The following IGSF11 variants were observed in gnomAD, a reference collection of about 807,000 sequenced individuals.
IGSF11 encodes the protein CXADR like 1.
In IGSF11, 22 loss-of-function variants were observed where a neutral mutation model predicts 41.0. That is an observed-to-expected ratio of 0.54 (90% confidence interval 0.38 to 0.77). The LOEUF (loss-of-function observed/expected upper bound fraction) is 0.77. Among genes scored for constraint, IGSF11 ranks in the 30% least tolerant of loss-of-function variants. The probability of loss-of-function intolerance (pLI) is 0.00; values close to 1 mark genes in which losing one functional copy is unlikely to be tolerated. For synonymous variants in IGSF11, 219 were observed against 201.3 expected (o/e 1.09, Z -0.74); for missense variants, 444 against 530.8 (o/e 0.84, Z 1.61).
At chr3:119,109,526 CT>C (rs1406551153), upstream of IGSF11, among the ~76,000 whole-genome samples, 4 of 151,874 alleles carry the variant, frequency 2.6e-5, no homozygotes, top group East Asian at 7.7e-4. Flanking sequence ...TTTGTTGATC[CT>C]TTCGAAAAAC....
chr3:119,139,594 T>C (rs568206126), intron 1 of IGSF11, among the ~76,000 whole-genome samples: 5 of 152,350 alleles, frequency 3.3e-5, no homozygotes, highest in African/African-American at 1.2e-4. Context: ...CTTCCTTGCC[T>C]TCTGCCATGA....
chr3:118,920,798 T>A (rs1456549881), intron 4 of IGSF11, among the ~76,000 whole-genome samples: 1 of 152,182 alleles, frequency 6.6e-6, no homozygotes, highest in African/African-American at 2.4e-5. Flanking sequence ...TGTAAAATAT[T>A]GCTAAAGATA....
chr3:119,122,315 G>A (rs766842150), intron 1 of IGSF11, among the ~76,000 whole-genome samples: 7 of 152,162 alleles, frequency 4.6e-5, no homozygotes, highest in African/African-American at 1.2e-4. Context: ...AAACAGAACC[G>A]AACTGTATAT....
At chr3:119,140,751 A>C (rs937889138) in intron 1 of IGSF11, among the ~76,000 whole-genome samples, 3 of 152,158 alleles carry the variant, frequency 2.0e-5, no homozygotes, top group Non-Finnish European at 4.4e-5. Flanking sequence ...TAAAAGATTA[A>C]AATCATACAA....
At chr3:118,997,976 T>C (rs1000561140) in intron 1 of IGSF11, among the ~76,000 whole-genome samples, 1 of 152,200 alleles carries the variant, frequency 6.6e-6, no homozygotes, top group African/African-American at 2.4e-5. Flanking sequence ...AATATCCCTT[T>C]TCCTCCTTAA....
At chr3:119,017,776 C>CTTTTT (rs567222914) in intron 1 of IGSF11, among the ~76,000 whole-genome samples, 5 of 100,256 alleles carry the variant, frequency 5.0e-5, no homozygotes, top group Non-Finnish European at 7.8e-5. Flanking sequence ...GTTTGTTTTA[C>CTTTTT]TTTTTTTTTT....
intron 1 of IGSF11, among the ~76,000 whole-genome samples, chr3:118,931,429 A>T (rs1279683180): frequency 6.6e-6 from 1 of 152,238 alleles, no homozygotes; most frequent in Non-Finnish European, 1.5e-5. Flanking sequence ...GTGAATGGAC[A>T]AACAAAATGT....
intron 1 of IGSF11, among the ~76,000 whole-genome samples, chr3:118,956,306 T>C (rs1944956023): frequency 1.3e-5 from 2 of 152,226 alleles, no homozygotes; most frequent in South Asian, 4.1e-4. Context: ...GGAGTATCAC[T>C]TCTAATCTCC....
At position 119,079,291 on chromosome 3, in the gene IGSF11, C is replaced by T. The variant is rs369865309; in HGVS notation, c.49+25853G>A. ...GGAGAATCACTTGAACCCCAGGAGA[C>T]GGAGGTTACAGTGAGCTGAAATCAC... On this transcript the variant is annotated intron_variant, in intron 1 of 6. Transcript: ENST00000354673. Among the ~76,000 whole-genome samples the T allele has an allele frequency of 1.5e-4, 23 of 151,628 alleles. 1 individual carries two copies. Among genetic ancestry groups the T allele is most frequent in the African/African-American group, 4.4e-4 (18 of 41,340 alleles).
chr3:119,066,052 C>A (rs759418835), intron 1 of IGSF11, among the ~76,000 whole-genome samples: 1 of 152,028 alleles, frequency 6.6e-6, no homozygotes, highest in Admixed American at 6.6e-5. Context: ...TCCATTTCAT[C>A]ATAATTTTCA....
intron 1 of IGSF11, among the ~76,000 whole-genome samples, chr3:118,992,620 T>C (rs1175579474): frequency 6.6e-6 from 1 of 152,252 alleles, no homozygotes. Context: ...TTTATGAATC[T>C]GATCCTGCGA....
chr3:118,955,215 TACATACAC>T (rs895329557), intron 1 of IGSF11, among the ~76,000 whole-genome samples: 1 of 135,060 alleles, frequency 7.4e-6, no homozygotes, highest in Non-Finnish European at 1.5e-5. Flanking sequence ...TATGTATATG[TACATACAC>T]ACACACACAC....
At chr3:118,988,655 T>A (rs1172051738) in intron 1 of IGSF11, among the ~76,000 whole-genome samples, 2 of 152,192 alleles carry the variant, frequency 1.3e-5, no homozygotes, top group Non-Finnish European at 2.9e-5. Flanking sequence ...GAGGACAGAA[T>A]GGCATCTGCA....
At chr3:118,953,519 G>A (rs1227318833) in intron 1 of IGSF11, among the ~76,000 whole-genome samples, 1 of 152,162 alleles carries the variant, frequency 6.6e-6, no homozygotes, top group Non-Finnish European at 1.5e-5. Context: ...ATTCCCACCA[G>A]AGGTGTAAAA....
chr3:119,018,213 A>T (rs1203903160), intron 1 of IGSF11, among the ~76,000 whole-genome samples: 1 of 152,234 alleles, frequency 6.6e-6, no homozygotes, highest in Non-Finnish European at 1.5e-5. Context: ...TCAGCAAGGC[A>T]GAGATAGAGG....
intron 1 of IGSF11, among the ~76,000 whole-genome samples, chr3:119,121,017 A>T (rs1253625337): frequency 6.6e-6 from 1 of 151,880 alleles, no homozygotes; most frequent in East Asian, 1.9e-4. Flanking sequence ...CAGAAAAATC[A>T]AACAGACACA....
At chr3:119,102,572 T>C (rs2076954314) in intron 1 of IGSF11, among the ~76,000 whole-genome samples, 1 of 152,232 alleles carries the variant, frequency 6.6e-6, no homozygotes, top group Non-Finnish European at 1.5e-5. Context: ...CCAAGACATT[T>C]TTTGTTTCTA....
intron 1 of IGSF11, among the ~76,000 whole-genome samples, chr3:119,046,258 A>G (rs538732372): frequency 6.7e-6 from 1 of 148,990 alleles, no homozygotes; most frequent in Non-Finnish European, 1.5e-5. Flanking sequence ...AAAATTTAGA[A>G]GAATGTATAA....
At chr3:118,936,636 C>G (rs1289561486) in intron 1 of IGSF11, among the ~76,000 whole-genome samples, 1 of 152,148 alleles carries the variant, frequency 6.6e-6, no homozygotes, top group Non-Finnish European at 1.5e-5. Context: ...TCAGTCAACT[C>G]CATGAATTCT....
Sources: allele counts gnomAD v4.1 joint callset (sites outside exome capture counted in the v4.1 genomes callset), GRCh38; gene constraint gnomAD v4.1.1; transcripts MANE v1.5; gene names NCBI Gene and HGNC (gene_info 2026-07-23, HGNC 2026-07-21).